Variants in CHST15 observed in about 807,000 individuals in gnomAD.
CHST15 encodes B cell RAG associated protein (GALNAC4S-6ST).
In CHST15, 30 loss-of-function variants were observed where a neutral mutation model predicts 53.6. That is an observed-to-expected ratio of 0.56 (90% CI 0.42 to 0.76). The LOEUF is 0.76. CHST15 is among the 30% of genes least tolerant of loss of function. The pLI is 0.00. For synonymous variants in CHST15, 296 were observed against 289.8 expected, an observed-to-expected ratio of 1.02 and a Z score of -0.22; for missense variants, 627 against 740.5, an observed-to-expected ratio of 0.85 and a Z score of 1.78.
chr10:124,027,613 A>T (rs1405645752), intron 5 of CHST15, among the ~76,000 whole-genome samples: 1 of 151,556 alleles, frequency 6.6e-6, no homozygotes, highest in East Asian at 1.9e-4. Flanking sequence ...CTCAGTTTCC[A>T]CTCCTGATGT....
rs116107415 is a variant in CHST15, at chr10:124,086,391, T to C, written c.-513+7078A>G. Reference sequence around the variant, plus strand: ...GAGGAGGAAGCTCCCCTGTGTAACTTTCCTGTTGTCTATACGTGGTGGTTT... The same window carrying C: ...GAGGAGGAAGCTCCCCTGTGTAACTCTCCTGTTGTCTATACGTGGTGGTTT... On this transcript the variant is annotated intron_variant, in intron 1 of 7. Coordinates refer to ENST00000435907, the MANE Select transcript of CHST15 (RefSeq NM_001270764.2). 7.4e-3 allele frequency among the ~76,000 whole-genome samples: 1,129 copies of C among 152,318 alleles called. 12 individuals carry two copies. Among genetic ancestry groups the C allele is most frequent in the African/African-American group, 0.026 (1,089 of 41,576 alleles).
rs538890518 is a variant in CHST15 at position 124,008,465 on chromosome 10, C to T, written c.*1684G>A. The T allele has an allele frequency of 1.3e-4, 132 of 991,286 alleles. 3 individuals are homozygous for T. In the African/African-American group the frequency reaches 1.5e-3, roughly 12 times the overall value. The allele number at this position is 991,286 out of a possible 1,614,324, so 61.4% of individuals were successfully genotyped here. A position where few individuals can be genotyped will look rare whatever the true frequency, so the allele number is the denominator to read the frequency against. On this transcript the variant is annotated 3_prime_UTR_variant, in exon 8 of 8. Transcript: ENST00000435907. ...CCCTGCTGGCGGCTGCTCCCAGTGC[C>T]GGCTATAGAGAAGGTGGGGACTGTC...
rs1948132607 is a variant in CHST15 at position 124,049,922 on chromosome 10, G to A, written c.-512-3198C>T. On this transcript the variant is annotated intron_variant, in intron 1 of 7. Coordinates refer to ENST00000435907, the MANE Select transcript of CHST15 (RefSeq NM_001270764.2). Reference sequence around the variant, plus strand: ...GTGAGACCGAGCCCTCAAACCGGTAGAGTCTGAGGCTGCCTCTGGTAGGGG... The same window carrying A: ...GTGAGACCGAGCCCTCAAACCGGTAAAGTCTGAGGCTGCCTCTGGTAGGGG... Among the ~76,000 whole-genome samples the A allele has an allele frequency of 3.3e-5, 5 of 152,252 alleles. No individual in the cohort carries two copies. The South Asian group carries it at 1.0e-3, about 32-fold the overall frequency.
intron 2 of CHST15, among the ~76,000 whole-genome samples, 193 bp from the exon 3 acceptor site, chr10:124,045,112 C>CAAAAAAAAAAAATAAAAAAA (rs1947917011): frequency 3.0e-5 from 1 of 33,800 alleles, no homozygotes; most frequent in African/African-American, 7.5e-5. Context: ...CGCCGCCCCA[C>CAAAAAAAAAAAATAAAAAAA]AAAAAAAAAA....
At chr10:124,060,345 G>C (rs144518772) in intron 1 of CHST15, among the ~76,000 whole-genome samples, 1 of 150,390 alleles carries the variant, frequency 6.6e-6, no homozygotes. Context: ...GATCCTCCAG[G>C]AATGTGCAAA....
chr10:124,083,937 G>C (rs915255184), intron 1 of CHST15, among the ~76,000 whole-genome samples: 4 of 152,230 alleles, frequency 2.6e-5, no homozygotes, highest in African/African-American at 7.2e-5. Context: ...AGCCTCCGCA[G>C]TTCAACACGC....
chr10:124,091,935 G>A (rs1300491676), intron 1 of CHST15, among the ~76,000 whole-genome samples: 1 of 152,036 alleles, frequency 6.6e-6, no homozygotes, highest in East Asian at 1.9e-4. Context: ...GGGCGGGAAC[G>A]TGGGCACCCG....
intron 6 of CHST15, chr10:124,020,311 C>G: frequency 1.0e-6 from 1 of 985,464 alleles, no homozygotes. Context: ...GAAACCTGAC[C>G]CACACCAATG....
intron 1 of CHST15, among the ~76,000 whole-genome samples, chr10:124,088,410 A>G (rs1396177809): frequency 6.6e-6 from 1 of 152,230 alleles, no homozygotes; most frequent in Non-Finnish European, 1.5e-5. Flanking sequence ...GAAACGCTGC[A>G]GGTCCTGCTG....
intron 5 of CHST15, among the ~76,000 whole-genome samples, chr10:124,023,653 G>A (rs528909527): frequency 6.6e-6 from 1 of 152,102 alleles, no homozygotes; most frequent in Admixed American, 6.5e-5. Flanking sequence ...TCTGGGCCAA[G>A]GGTGAAACTG....
Position 124,014,769 on chromosome 10 carries a change from G to A in CHST15, c.1348-2289C>T, listed in dbSNP as rs117717748. Among the ~76,000 whole-genome samples the A allele has an allele frequency of 9.9e-3, 1,504 of 152,282 alleles. 11 individuals are homozygous for A. The highest frequency in any genetic ancestry group is 0.027 in the Middle Eastern group (8 of 294). On this transcript the variant is annotated intron_variant, in intron 6 of 7. Transcript: ENST00000435907. ...GCAGCCAGGTGTTTGTGGCAGGCTG[G>A]GGTGTTTTAGAGCAGCTGTAGTCTG...
chr10:124,030,780 T>C (rs1466022768), intron 5 of CHST15, among the ~76,000 whole-genome samples: 5 of 152,202 alleles, frequency 3.3e-5, no homozygotes, highest in Admixed American at 3.3e-4. Flanking sequence ...GAAGTTGAGC[T>C]GTTTGGAGAG....
At chr10:124,064,200 CTT>C (rs1410209511) in intron 1 of CHST15, among the ~76,000 whole-genome samples, 1 of 152,100 alleles carries the variant, frequency 6.6e-6, no homozygotes, top group Non-Finnish European at 1.5e-5. Context: ...AAAAAATAGA[CTT>C]ACGAAAAGTC....
intron 5 of CHST15, among the ~76,000 whole-genome samples, chr10:124,030,008 A>C (rs554717453): frequency 6.6e-6 from 1 of 152,334 alleles, no homozygotes; most frequent in African/African-American, 2.4e-5. Flanking sequence ...CGTCCTTTCC[A>C]AACAATCATG....
At chr10:124,042,271 A>C in intron 4 of CHST15, 30 bp downstream of exon 4, 1 of 1,595,994 alleles carries the variant, frequency 6.3e-7, no homozygotes. Context: ...GGAGGGTGCT[A>C]GCCCTGCCAG....
chr10:124,012,569 AC>A, intron 6 of CHST15, 89 bp from the exon 7 acceptor site: 1 of 1,394,144 alleles, frequency 7.2e-7, no homozygotes, highest in Non-Finnish European at 9.7e-7. Flanking sequence ...ATTTCACTGT[AC>A]CACAAAAGAG....
chr10:124,028,865 G>A (rs761309423), intron 5 of CHST15, among the ~76,000 whole-genome samples: 36 of 152,130 alleles, frequency 2.4e-4, no homozygotes, highest in African/African-American at 7.5e-4. Context: ...GGCTCACCCC[G>A]GTGACGCTGG....
At position 124,038,663 on chromosome 10, in the gene CHST15, T is replaced by G. The variant is rs1947616705; in HGVS notation, c.1042A>C (p.Ser348Arg). The G allele has an allele frequency of 1.2e-6, 2 of 1,613,880 alleles. No individual in the cohort carries two copies. The highest frequency in any genetic ancestry group is 1.7e-6 in the Non-Finnish European group (2 of 1,179,948). ...KMNTIIIGEA[S>R]ASTMWDNNAW... Reference sequence around the variant, plus strand: ...TTATTATCCCACATCGTGGAGGCACTGGCCTCCCCTGGAAACAGAAAACAC... The same window carrying G: ...TTATTATCCCACATCGTGGAGGCACGGGCCTCCCCTGGAAACAGAAAACAC... Residue 348 changes from serine (S) to arginine (R), a missense_variant, in exon 5 of 8, where the codon AGT (serine) becomes CGT (arginine). Physicochemically the swap from Ser to Arg is moderately radical, Grantham distance 110. Coordinates refer to ENST00000435907, the MANE Select transcript of CHST15 (RefSeq NM_001270764.2).
In CHST15 at chr10:124,007,979, C is replaced by T; in HGVS notation, c.*2170G>A. 8.6e-7 allele frequency: 1 copy of T among 1,160,152 alleles called. No individual in the cohort carries two copies. The highest frequency in any genetic ancestry group is 1.0e-6 in the Non-Finnish European group (1 of 963,030). The allele number at this position is 1,160,152 out of a possible 1,614,324, so 71.9% of individuals were successfully genotyped here. A position where few individuals can be genotyped will look rare whatever the true frequency, so the allele number is the denominator to read the frequency against. On this transcript the variant is annotated 3_prime_UTR_variant, in exon 8 of 8. Coordinates refer to ENST00000435907, the MANE Select transcript of CHST15 (RefSeq NM_001270764.2). ...AGGAAGCAGAGGCAGCCGAAGTGCC[C>T]TCTGGAGAGAAAGGCCCCTGGAGGG...
Sources: gnomAD v4.1 joint callset for allele counts (sites outside exome capture counted in the v4.1 genomes callset) on GRCh38, gnomAD v4.1.1 for gene constraint, MANE v1.5 for transcripts, NCBI Gene and HGNC (gene_info 2026-07-23, HGNC 2026-07-21) for gene names.